Variants in GRM5 observed in about 807,000 individuals in gnomAD.
The protein encoded by GRM5 is metabotropic glutamate receptor 5.
GRM5 carries 19 observed loss-of-function variants against 83.1 expected under a neutral mutation model. The ratio of observed to expected loss-of-function variants is 0.23; its 90% confidence interval spans 0.16 to 0.34. The LOEUF is 0.34. Among genes scored for constraint, GRM5 ranks in the 10% least tolerant of loss-of-function variants. The probability of loss-of-function intolerance (pLI) is 1.00; values close to 1 mark genes in which losing one functional copy is unlikely to be tolerated. For missense variants in GRM5, 1,160 were observed against 1,588.3 expected (o/e 0.73, Z 4.58); for synonymous variants, 675 against 633.6 (o/e 1.07, Z -0.98).
chr11:88,594,826 T>C (rs1287069640), intron 6 of GRM5, among the ~76,000 whole-genome samples: 2 of 152,118 alleles, frequency 1.3e-5, no homozygotes, highest in Non-Finnish European at 2.9e-5. Context: ...AAACACCAAG[T>C]CCAATGGCTC....
chr11:88,921,928 C>CT (rs555788827), intron 2 of GRM5, among the ~76,000 whole-genome samples: 138 of 136,366 alleles, frequency 1.0e-3, no homozygotes, highest in African/African-American at 3.0e-3. Context: ...CAAAAAAAAC[C>CT]GTATTTCTAT....
Position 88,689,032 on chromosome 11 carries a change from A to G in GRM5, c.912-35629T>C, listed in dbSNP as rs550910676. On this transcript the variant is annotated intron_variant, in intron 3 of 9. Transcript: ENST00000305447. ...GTAAGATTAAAAAATTAATAACGTA[A>G]TGCTCACAGAATCTAGTACAGTACC... Among the ~76,000 whole-genome samples, 8 of 152,262 alleles carry G rather than the reference A, an allele frequency of 5.3e-5. No homozygotes were observed. The South Asian group carries it at 1.7e-3, about 32-fold the overall frequency.
intron 3 of GRM5, among the ~76,000 whole-genome samples, chr11:88,780,179 T>C (rs1942946264): frequency 6.6e-6 from 1 of 152,208 alleles, no homozygotes; most frequent in Non-Finnish European, 1.5e-5. Flanking sequence ...TGTACAATCA[T>C]ATCCTTAATA....
intron 2 of GRM5, among the ~76,000 whole-genome samples, chr11:89,038,912 A>T (rs916751067): frequency 3.9e-5 from 6 of 152,196 alleles, no homozygotes; most frequent in African/African-American, 1.4e-4. Context: ...TGTCCATTCT[A>T]CTAAAATGGT....
intron 2 of GRM5, among the ~76,000 whole-genome samples, chr11:88,999,809 T>C (rs1438573509): frequency 6.6e-6 from 1 of 152,202 alleles, no homozygotes; most frequent in Non-Finnish European, 1.5e-5. Context: ...TGTGGCACTA[T>C]TCACAATAGC....
intron 2 of GRM5, among the ~76,000 whole-genome samples, chr11:88,934,858 G>A (rs1420871814): frequency 6.6e-6 from 1 of 151,830 alleles, no homozygotes; most frequent in African/African-American, 2.4e-5. Flanking sequence ...TGAAAGTTAA[G>A]TCTGAAAAAC....
At chr11:88,589,697 T>C (rs906428777) in intron 7 of GRM5, among the ~76,000 whole-genome samples, 1 of 152,296 alleles carries the variant, frequency 6.6e-6, no homozygotes, top group East Asian at 1.9e-4. Context: ...CTGCAAGGCT[T>C]TTTTCCTCTT....
chr11:88,600,844 G>T (rs1937967252), intron 5 of GRM5, among the ~76,000 whole-genome samples: 1 of 152,160 alleles, frequency 6.6e-6, no homozygotes, highest in African/African-American at 2.4e-5. Context: ...CGATGCTAAG[G>T]TGCTTTTGTT....
chr11:88,884,117 T>C (rs1945004461), intron 2 of GRM5, among the ~76,000 whole-genome samples: 1 of 152,076 alleles, frequency 6.6e-6, no homozygotes, highest in East Asian at 1.9e-4. Flanking sequence ...TAGCTTGCAC[T>C]GTATGCCTGG....
intron 2 of GRM5, among the ~76,000 whole-genome samples, chr11:88,996,749 G>T (rs1223389940): frequency 6.6e-6 from 1 of 152,088 alleles, no homozygotes; most frequent in African/African-American, 2.4e-5. Flanking sequence ...CACTAAGATA[G>T]AAAACAAACC....
At chr11:88,765,654 G>T (rs2135443579) in intron 3 of GRM5, among the ~76,000 whole-genome samples, 1 of 151,542 alleles carries the variant, frequency 6.6e-6, no homozygotes, top group African/African-American at 2.4e-5. Context: ...AAATAATAAG[G>T]TTGAACCCTT....
At chr11:88,634,682 T>C (rs970869015) in intron 4 of GRM5, among the ~76,000 whole-genome samples, 2 of 152,198 alleles carry the variant, frequency 1.3e-5, no homozygotes, top group Non-Finnish European at 2.9e-5. Flanking sequence ...GTTTTACAGT[T>C]GACTTTTTAT....
At chr11:88,595,808 T>C (rs1937783489) in intron 6 of GRM5, among the ~76,000 whole-genome samples, 1 of 152,194 alleles carries the variant, frequency 6.6e-6, no homozygotes. Context: ...TGTCTATCTC[T>C]CTGTACCTGT....
At chr11:88,719,587 A>T in intron 3 of GRM5, among the ~76,000 whole-genome samples, 1 of 152,036 alleles carries the variant, frequency 6.6e-6, no homozygotes, top group East Asian at 1.9e-4. Flanking sequence ...CAGTAATGGG[A>T]TTGCTGCATC....
intron 3 of GRM5, among the ~76,000 whole-genome samples, chr11:88,697,787 C>A (rs1940936317): frequency 6.6e-6 from 1 of 152,172 alleles, no homozygotes; most frequent in African/African-American, 2.4e-5. Context: ...TAATAGATTT[C>A]TCTTTGTATG....
At chr11:88,890,446 CTGTT>C (rs1945124643) in intron 2 of GRM5, among the ~76,000 whole-genome samples, 1 of 152,188 alleles carries the variant, frequency 6.6e-6, no homozygotes, top group South Asian at 2.1e-4. Flanking sequence ...GCTGAATATT[CTGTT>C]TGTGTTGCTA....
intron 5 of GRM5, among the ~76,000 whole-genome samples, chr11:88,603,147 A>C (rs117863396): frequency 9.8e-5 from 15 of 152,342 alleles, no homozygotes; most frequent in African/African-American, 1.7e-4. Context: ...TTGTTCCAAA[A>C]AAAGATTAAG....
At chr11:89,003,515 T>C (rs1302813655) in intron 2 of GRM5, among the ~76,000 whole-genome samples, 2 of 152,024 alleles carry the variant, frequency 1.3e-5, no homozygotes, top group East Asian at 1.9e-4. Flanking sequence ...TCTTAAAGCA[T>C]GGAAAAAGGA....
At chr11:88,552,831 G>A (rs1942542132) in intron 8 of GRM5, among the ~76,000 whole-genome samples, 1 of 152,090 alleles carries the variant, frequency 6.6e-6, no homozygotes, top group African/African-American at 2.4e-5. Flanking sequence ...TATTCTCCCT[G>A]GAGATACAGT....
Sources: allele counts gnomAD v4.1 joint callset (sites outside exome capture counted in the v4.1 genomes callset), GRCh38; gene constraint gnomAD v4.1.1; transcripts MANE v1.5; gene names NCBI Gene and HGNC (gene_info 2026-07-23, HGNC 2026-07-21).